The following KLHL14 variants were observed in gnomAD, a reference collection of about 807,000 sequenced individuals.
The protein encoded by KLHL14 is kelch-like protein 14.
KLHL14 carries 22 observed loss-of-function variants against 64.3 expected under a neutral mutation model. That is an observed-to-expected ratio of 0.34 (90% confidence interval 0.24 to 0.49). The LOEUF (loss-of-function observed/expected upper bound fraction) is 0.49. Among genes scored for constraint, KLHL14 ranks in the 20% least tolerant of loss-of-function variants. The probability of loss-of-function intolerance (pLI) is 0.99; values close to 1 mark genes in which losing one functional copy is unlikely to be tolerated. For missense variants in KLHL14, 661 were observed against 789.0 expected (o/e 0.84, Z 1.94); for synonymous variants, 322 against 333.4 (o/e 0.97, Z 0.37).
rs1437289711 is a variant in KLHL14, at chr18:32,686,015, T to TC, written c.1238+1139_1238+1140insG. Among the ~76,000 whole-genome samples the TC allele has an allele frequency of 3.8e-3, 553 of 146,746 alleles. 4 individuals are homozygous for TC. The highest frequency in any genetic ancestry group is 0.033 in the Middle Eastern group (9 of 274). On this transcript the variant is annotated intron_variant, in intron 5 of 8. Coordinates refer to ENST00000359358, the MANE Select transcript of KLHL14 (RefSeq NM_020805.3). Reference sequence around the variant, plus strand: ...GCTGCTGATTCCCTTTTTCTTTCTTTTTTTTTTTTTTTTTGAGATGGAGTC... The same window carrying TC: ...GCTGCTGATTCCCTTTTTCTTTCTTTCTTTTTTTTTTTTTTGAGATGGAGTC...
At position 32,742,034 on chromosome 18, in the gene KLHL14, C is replaced by A; in HGVS notation, c.963G>T (p.Lys321Asn). The A allele has an allele frequency of 6.2e-7, 1 of 1,612,788 alleles. No individual in the cohort carries two copies. Among genetic ancestry groups the A allele is most frequent in the Non-Finnish European group, 8.5e-7 (1 of 1,179,734 alleles). Residue 321 changes from lysine to asparagine, a missense_variant, in exon 3 of 9, where the codon AAG becomes AAT. This residue lies in a region of KLHL14 where 330 missense variants were observed against 450.0 expected (regional missense o/e 0.73). Transcript: ENST00000359358. Reference protein sequence around the residue: ...QSLASRIRSNKKMLLLVGGLP... With the variant: ...QSLASRIRSNNKMLLLVGGLP... ...GCCCTCCAACCAATAACAGCATTTT[C>A]TTGTTAGAGCGAATTCTTCACCCAA...
chr18:32,715,693 CT>C (rs1268161436), intron 3 of KLHL14, among the ~76,000 whole-genome samples: 1 of 152,122 alleles, frequency 6.6e-6, no homozygotes, highest in Non-Finnish European at 1.5e-5. Flanking sequence ...TACGGGTGAT[CT>C]TTTTTGATTA....
chr18:32,715,229 T>C (rs2050039246), intron 3 of KLHL14, among the ~76,000 whole-genome samples: 2 of 152,198 alleles, frequency 1.3e-5, no homozygotes, highest in Admixed American at 1.3e-4. Flanking sequence ...AGCTAGAATT[T>C]AGCTCTGCCC....
chr18:32,755,193 C>T (rs1051306953), intron 2 of KLHL14, among the ~76,000 whole-genome samples: 4 of 151,974 alleles, frequency 2.6e-5, no homozygotes, highest in Non-Finnish European at 4.4e-5. Context: ...TGGAGGGCTC[C>T]GTGGTGTCTA....
rs75224139 is a variant in KLHL14, at chr18:32,706,114, C to T, written c.1070-10562G>A. ...TTTGACTTTAAAGCCTATTTCACTG[C>T]AAAGATTCAGAAGAATCTGTCATAC... is the stretch of plus-strand genomic sequence containing the variant. On this transcript the variant is annotated intron_variant, in intron 3 of 8. Coordinates refer to ENST00000359358, the MANE Select transcript of KLHL14 (RefSeq NM_020805.3). Among the ~76,000 whole-genome samples, 536 of 152,302 alleles carry T rather than the reference C, an allele frequency of 3.5e-3. 2 individuals carry two copies. Among genetic ancestry groups the T allele is most frequent in the Non-Finnish European group, 5.1e-3 (347 of 68,028 alleles).
At chr18:32,697,003 T>C (rs978630826) in intron 3 of KLHL14, among the ~76,000 whole-genome samples, 1 of 152,328 alleles carries the variant, frequency 6.6e-6, no homozygotes, top group Non-Finnish European at 1.5e-5. Flanking sequence ...GCGGAAGGCA[T>C]TGGTGTGTAA....
intron 2 of KLHL14, among the ~76,000 whole-genome samples, chr18:32,767,273 T>G (rs1461659507): frequency 2.0e-5 from 3 of 152,224 alleles, no homozygotes; most frequent in Admixed American, 6.5e-5. Context: ...TCTGTCTACT[T>G]TAAAGTTAGG....
chr18:32,749,756 ATT>A (rs1238938639), intron 2 of KLHL14, among the ~76,000 whole-genome samples: 1 of 152,112 alleles, frequency 6.6e-6, no homozygotes, highest in Non-Finnish European at 1.5e-5. Flanking sequence ...GTAAATGGGC[ATT>A]TTCACATCTG....
At chr18:32,741,872 C>A in intron 3 of KLHL14, 56 bp downstream of exon 3, 1 of 1,468,690 alleles carries the variant, frequency 6.8e-7, no homozygotes, top group South Asian at 1.4e-5. Context: ...TTCATCAAGA[C>A]AGCGCTAACC....
chr18:32,672,800 GTC>G lies in KLHL14; in HGVS notation c.*1855_*1856del, dbSNP rs1568060669. The G allele has an allele frequency of 2.0e-5, 3 of 152,578 alleles. No homozygotes were observed. The East Asian group carries it at 5.8e-4, about 29-fold the overall frequency. 9.5% of individuals were successfully genotyped at this position (152,578 alleles called of 1,614,324 possible). A position where few individuals can be genotyped will look rare whatever the true frequency, so the allele number is the denominator to read the frequency against. ...CACTTTTCACTTTCTAGTAACTTATGTCTCTCTGAAATACAGAAAGCTTTACT... is the reference window on the plus strand; with the variant it reads ...CACTTTTCACTTTCTAGTAACTTATGTCTCTGAAATACAGAAAGCTTTACT... On this transcript the variant is annotated 3_prime_UTR_variant, in exon 9 of 9. Transcript: ENST00000359358.
intron 5 of KLHL14, among the ~76,000 whole-genome samples, chr18:32,682,523 T>C (rs1205023365): frequency 2.0e-5 from 3 of 152,256 alleles, no homozygotes; most frequent in African/African-American, 7.2e-5. Flanking sequence ...CACATGTGCA[T>C]TTTTTGGAGG....
chr18:32,746,009 T>C (rs2050222053), intron 2 of KLHL14, among the ~76,000 whole-genome samples: 1 of 151,456 alleles, frequency 6.6e-6, no homozygotes, highest in Non-Finnish European at 1.5e-5. Flanking sequence ...TGTAGCCTCA[T>C]TGCAATCTCT....
At chr18:32,757,749 A>T (rs2050289307) in intron 2 of KLHL14, among the ~76,000 whole-genome samples, 1 of 152,258 alleles carries the variant, frequency 6.6e-6, no homozygotes. Context: ...TTTAAGAAAT[A>T]TGATGCCCAA....
chr18:32,705,837 A>G (rs974043311), intron 3 of KLHL14, among the ~76,000 whole-genome samples: 1 of 152,224 alleles, frequency 6.6e-6, no homozygotes, highest in African/African-American at 2.4e-5. Context: ...GCTTTTATCT[A>G]CACTGTCCTT....
chr18:32,674,625 T>C lies in KLHL14; in HGVS notation c.*32A>G, dbSNP rs948550971. 4 of 776,990 alleles carry C rather than the reference T, an allele frequency of 5.1e-6. No individual in the cohort carries two copies. The South Asian group carries it at 5.4e-5, about 10-fold the overall frequency. The allele number at this position is 776,990 out of a possible 1,614,324, so 48.1% of individuals were successfully genotyped here. ...TGTCACCTGCCATTGCTTCCTAGAA[T>C]GTGATACTGTTCATTCCAGAGTTTC... is the stretch of plus-strand genomic sequence containing the variant. On this transcript the variant is annotated 3_prime_UTR_variant, in exon 9 of 9. Transcript: ENST00000359358.
intron 2 of KLHL14, among the ~76,000 whole-genome samples, chr18:32,762,176 G>A (rs1390755142): frequency 6.6e-6 from 1 of 151,674 alleles, no homozygotes; most frequent in Non-Finnish European, 1.5e-5. Flanking sequence ...TAGGCGGTAA[G>A]GTACCATGAT....
chr18:32,687,164 A>G lies in KLHL14; in HGVS notation c.1229T>C (p.Met410Thr). Residue 410 changes from methionine to threonine, a missense_variant, in exon 5 of 9, where the codon ATG becomes ACG. Around this residue, in one of 2 missense-constraint regions of KLHL14, gnomAD observed 330 missense variants for 450.0 expected, o/e 0.73. Coordinates refer to ENST00000359358, the MANE Select transcript of KLHL14 (RefSeq NM_020805.3). Reference protein sequence around the residue: ...RFNSWIQLPPMQERRASFYAC... With the variant: ...RFNSWIQLPPTQERRASFYAC... ...AGAAATAAACACTTACCTTTCCTGC[A>G]TGGGTGGAAGTTGAATCCAGCTATT... The G allele has an allele frequency of 6.2e-7, 1 of 1,613,542 alleles. No homozygotes were observed. The highest frequency in any genetic ancestry group is 8.5e-7 in the Non-Finnish European group (1 of 1,179,470).
chr18:32,754,642 G>A (rs1164296731), intron 2 of KLHL14, among the ~76,000 whole-genome samples: 2 of 152,194 alleles, frequency 1.3e-5, no homozygotes. Flanking sequence ...TCCAGGGAGA[G>A]GTTCCCTGTG....
intron 5 of KLHL14, among the ~76,000 whole-genome samples, chr18:32,681,213 A>G (rs1383479793): frequency 6.6e-6 from 1 of 152,146 alleles, no homozygotes; most frequent in Admixed American, 6.5e-5. Context: ...TTAAAAGGCT[A>G]TAAGATATTT....
Sources: allele counts gnomAD v4.1 joint callset (sites outside exome capture counted in the v4.1 genomes callset), GRCh38; gene constraint gnomAD v4.1.1; regional missense constraint gnomAD v4.1.1; transcripts MANE v1.5; gene names NCBI Gene and HGNC (gene_info 2026-07-23, HGNC 2026-07-21).